NIPSNAP3A: variants seen among roughly 807,000 people sequenced by gnomAD.
NIPSNAP3A encodes protein NipSnap homolog 3A.
NIPSNAP3A carries 27 observed loss-of-function variants against 32.3 expected under a neutral mutation model. That is an observed-to-expected ratio of 0.84 (90% CI 0.62 to 1.15). The LOEUF is 1.15. NIPSNAP3A is among the 50% of genes most tolerant of loss of function. The pLI, the probability that NIPSNAP3A is intolerant of heterozygous loss-of-function variation, is 0.00. For synonymous variants in NIPSNAP3A, 108 were observed against 107.3 expected, an observed-to-expected ratio of 1.01 and a Z score of -0.04; for missense variants, 278 against 297.2, an observed-to-expected ratio of 0.94 and a Z score of 0.48.
At chr9:104,757,586 A>C (rs144139883) in intron 4 of NIPSNAP3A, among the ~76,000 whole-genome samples, 1 of 152,326 alleles carries the variant, frequency 6.6e-6, no homozygotes, top group African/African-American at 2.4e-5. Context: ...GCTCAAATGA[A>C]GTTTATGTTA....
rs1027010444 is a variant in NIPSNAP3A, at chr9:104,759,325, C to A, written c.731C>A (p.Ser244Ter). The part of the protein sequence containing the change: ...QNMLLIPTSF[S>*]PLK ...ATGCTTCTGATTCCTACATCGTTTT[C>A]ACCACTGAAATAGTTTTCTACTGAA... The change falls in exon 6 of 6, where the codon TCA (serine) becomes TAA (stop). Residue 244 changes from serine (S) to a stop codon, truncating the protein, a stop_gained. Coordinates refer to ENST00000374767, the MANE Select transcript of NIPSNAP3A (RefSeq NM_015469.3). LOFTEE classifies it high-confidence loss of function. 1 of 1,613,502 alleles carries A rather than the reference C, an allele frequency of 6.2e-7. No individual in the cohort carries two copies. Among genetic ancestry groups the A allele is most frequent in the Admixed American group, 1.7e-5 (1 of 60,030 alleles).
chr9:104,756,739 G>C (rs1370464629), intron 4 of NIPSNAP3A, among the ~76,000 whole-genome samples: 1 of 151,230 alleles, frequency 6.6e-6, no homozygotes, highest in Non-Finnish European at 1.5e-5. Context: ...ATACAGAAAA[G>C]AAATTTGAAA....
chr9:104,756,507 CAAT>C (rs1827908039), intron 4 of NIPSNAP3A, among the ~76,000 whole-genome samples: 1 of 151,848 alleles, frequency 6.6e-6, no homozygotes, highest in South Asian at 2.1e-4. Context: ...CATATTAAAA[CAAT>C]AATGAGATGC....
chr9:104,757,849 C>T (rs1348557842), intron 4 of NIPSNAP3A, among the ~76,000 whole-genome samples: 4 of 151,328 alleles, frequency 2.6e-5, no homozygotes, highest in African/African-American at 9.7e-5. Context: ...GCTAGGAGTT[C>T]GAGACCAGCC....
intron 1 of NIPSNAP3A, 103 bp from the exon 2 acceptor site, chr9:104,750,853 A>G: frequency 1.1e-6 from 1 of 882,942 alleles, no homozygotes; most frequent in Admixed American, 1.8e-5. Flanking sequence ...AACATGAGTA[A>G]TGAGTCTATG....
chr9:104,757,676 T>C (rs186658609), intron 4 of NIPSNAP3A, among the ~76,000 whole-genome samples: 1 of 152,324 alleles, frequency 6.6e-6, no homozygotes, highest in African/African-American at 2.4e-5. Flanking sequence ...GAAATCGATA[T>C]ACATGTACGT....
Position 104,759,308 on chromosome 9 carries a change from GA to G in NIPSNAP3A, c.715del (p.Ile239PhefsTer8). On this transcript the variant is annotated frameshift_variant, in exon 6 of 6. Coordinates refer to ENST00000374767, the MANE Select transcript of NIPSNAP3A (RefSeq NM_015469.3). LOFTEE classifies it high-confidence loss of function. ...TAGTATCTCAGCAGAATATGCTTCTGATTCCTACATCGTTTTCACCACTGAA... is the reference window on the plus strand; with the variant it reads ...TAGTATCTCAGCAGAATATGCTTCTGTTCCTACATCGTTTTCACCACTGAA... ...YLVSQQNMLL[I>X]PTSFSPLK 12 of 1,613,950 alleles carry G rather than the reference GA, an allele frequency of 7.4e-6. No homozygotes were observed. Among genetic ancestry groups the G allele is most frequent in the Non-Finnish European group, 1.0e-5 (12 of 1,180,010 alleles).
chr9:104,750,703 G>A (rs1827838299), intron 1 of NIPSNAP3A, among the ~76,000 whole-genome samples: 1 of 152,124 alleles, frequency 6.6e-6, no homozygotes, highest in Non-Finnish European at 1.5e-5. Flanking sequence ...TGTGGAGTGT[G>A]CTTTCATTTT....
chr9:104,750,680 C>T (rs186266082), intron 1 of NIPSNAP3A, among the ~76,000 whole-genome samples: 1 of 152,256 alleles, frequency 6.6e-6, no homozygotes, highest in African/African-American at 2.4e-5. Flanking sequence ...CTTGCTCAGG[C>T]CCACTCCTAC....
At position 104,759,745 on chromosome 9, in the gene NIPSNAP3A, TGTTTTCCTG is replaced by T. The variant is rs1827951500; in HGVS notation, c.*413_*421del. ...ATTTTATCAACCTTTCCATCATGTC[TGTTTTCCTG>T]GTTTTTTTTGGTTGTTTTTTGACCA... On this transcript the variant is annotated 3_prime_UTR_variant, in exon 6 of 6. Coordinates refer to ENST00000374767, the MANE Select transcript of NIPSNAP3A (RefSeq NM_015469.3). 6.2e-6 allele frequency: 1 copy of T among 160,232 alleles called. No individual in the cohort carries two copies. The highest frequency in any genetic ancestry group is 1.8e-4 in the East Asian group (1 of 5,532). 9.9% of individuals were successfully genotyped at this position (160,232 alleles called of 1,614,324 possible). A position where few individuals can be genotyped will look rare whatever the true frequency, so the allele number is the denominator to read the frequency against.
chr9:104,748,077 C>G (rs1442561222), intron 1 of NIPSNAP3A, among the ~76,000 whole-genome samples: 1 of 152,050 alleles, frequency 6.6e-6, no homozygotes, highest in African/African-American at 2.4e-5. Context: ...CAGCCGGGGT[C>G]GTCTCGCGGG....
At chr9:104,754,765 C>A in intron 4 of NIPSNAP3A, 65 bp downstream of exon 4, 2 of 1,305,086 alleles carry the variant, frequency 1.5e-6, no homozygotes, top group South Asian at 1.2e-5. Flanking sequence ...TTCCTTGGGT[C>A]AGGTTCTTTC....
rs140466086 is a variant in NIPSNAP3A at position 104,754,590 on chromosome 9, G to C, written c.470G>C (p.Gly157Ala). ...ELATFQMKPG[G>A]PALWGDAFKR... ...GCCACTTTTCAGATGAAACCTGGTG[G>C]GCCAGCTCTGTGGGGTGATGCATTT... The change falls in exon 4 of 6, where the codon GGG becomes GCG. Residue 157 changes from glycine to alanine, a missense_variant. By Grantham distance (60) the Gly-to-Ala change is moderately conservative. Coordinates refer to ENST00000374767, the MANE Select transcript of NIPSNAP3A (RefSeq NM_015469.3). The C allele has an allele frequency of 6.2e-7, 1 of 1,613,918 alleles. No individual in the cohort carries two copies. Among genetic ancestry groups the C allele is most frequent in the African/African-American group, 1.3e-5 (1 of 74,914 alleles).
In NIPSNAP3A at chr9:104,747,803, T is replaced by C; in HGVS notation, c.11T>C (p.Leu4Pro). The C allele has an allele frequency of 6.2e-7, 1 of 1,609,274 alleles. No homozygotes were observed. The highest frequency in any genetic ancestry group is 8.5e-7 in the Non-Finnish European group (1 of 1,179,076). MLV[L>P]RSALTRALAS... is the part of the protein sequence containing the mutation. ...CGCCGAAGCCGCGCCATGCTCGTCC[T>C]CAGAAGCGCCCTGACTCGGGCGCTG... Residue 4 changes from leucine to proline, a missense_variant, in exon 1 of 6, where the codon CTC becomes CCC. Coordinates refer to ENST00000374767, the MANE Select transcript of NIPSNAP3A (RefSeq NM_015469.3).
intron 4 of NIPSNAP3A, among the ~76,000 whole-genome samples, chr9:104,758,524 T>C (rs1827931192): frequency 6.6e-6 from 1 of 152,176 alleles, no homozygotes; most frequent in African/African-American, 2.4e-5. Context: ...AGTACTTCCG[T>C]TTTCCAGCCT....
At chr9:104,758,405 TAAG>T (rs1827930030) in intron 4 of NIPSNAP3A, among the ~76,000 whole-genome samples, 1 of 152,176 alleles carries the variant, frequency 6.6e-6, no homozygotes, top group Non-Finnish European at 1.5e-5. Context: ...ATTTTAATAA[TAAG>T]CACAATTTGC....
At chr9:104,749,027 C>G (rs938286180) in intron 1 of NIPSNAP3A, among the ~76,000 whole-genome samples, 1 of 152,146 alleles carries the variant, frequency 6.6e-6, no homozygotes, top group Non-Finnish European at 1.5e-5. Context: ...CTGTCCACAT[C>G]TCTCTCCCTC....
intron 3 of NIPSNAP3A, chr9:104,753,481 AG>A (rs1289305698): frequency 6.1e-6 from 1 of 164,762 alleles, no homozygotes; most frequent in African/African-American, 2.4e-5. Flanking sequence ...CATTAAATAC[AG>A]CTTTGCTTAT....
chr9:104,751,230 C>T (rs2118750570), intron 2 of NIPSNAP3A, 64 bp downstream of exon 2: 1 of 1,339,580 alleles, frequency 7.5e-7, no homozygotes, highest in Non-Finnish European at 1.1e-6. Flanking sequence ...GATTTTCATT[C>T]TGTTAAATGT....
Sources: gnomAD v4.1 joint callset for allele counts (sites outside exome capture counted in the v4.1 genomes callset) on GRCh38, gnomAD v4.1.1 for gene constraint, MANE v1.5 for transcripts, NCBI Gene and HGNC (gene_info 2026-07-23, HGNC 2026-07-21) for gene names.